The following RASSF8 variants were observed in gnomAD, a reference collection of about 807,000 sequenced individuals.
RASSF8 encodes the protein Ras association domain family member 8.
In RASSF8, 22 loss-of-function variants were observed where a neutral mutation model predicts 48.5. That is an observed-to-expected ratio of 0.45 (90% CI 0.32 to 0.65). RASSF8 has a LOEUF of 0.65. Ranked by LOEUF, RASSF8 falls within the 30% of genes least tolerant of loss-of-function variation. RASSF8 has a pLI of 0.03. For missense variants in RASSF8, 418 were observed against 489.2 expected (o/e 0.85, Z 1.37); for synonymous variants, 127 against 171.5 (o/e 0.74, Z 2.03).
chr12:26,055,586 C>T (rs1943584874), intron 3 of RASSF8, 140 bp downstream of exon 3: 1 of 742,354 alleles, frequency 1.3e-6, no homozygotes, highest in African/African-American at 1.7e-5. Flanking sequence ...GTACTTATTA[C>T]AGTTTGCCTG....
At chr12:25,978,756 T>C (rs990158589) in intron 1 of RASSF8, among the ~76,000 whole-genome samples, 2 of 152,070 alleles carry the variant, frequency 1.3e-5, no homozygotes, top group African/African-American at 4.8e-5. Context: ...TGGCATTATT[T>C]ATGAGGTGCC....
At position 25,981,364 on chromosome 12, in the gene RASSF8, G is replaced by A. The variant is rs571042258; in HGVS notation, c.-202-13673G>A. Among the ~76,000 whole-genome samples, 28 of 152,238 alleles carry A rather than the reference G, an allele frequency of 1.8e-4. No individual in the cohort carries two copies. In the South Asian group the frequency reaches 1.9e-3, roughly 10 times the overall value. On this transcript the variant is annotated intron_variant, in intron 1 of 5. Coordinates refer to ENST00000689635, the MANE Select transcript of RASSF8 (RefSeq NM_001394098.1). ...CCCCCTGCTCAACAGTCTCCATATG[G>A]TAACCTTCCCTCAACCCAAAACTAA...
At chr12:26,032,395 A>G (rs1943047980) in intron 2 of RASSF8, among the ~76,000 whole-genome samples, 2 of 152,198 alleles carry the variant, frequency 1.3e-5, no homozygotes, top group Non-Finnish European at 2.9e-5. Flanking sequence ...TGGAATGTTG[A>G]TAGAAAACAA....
At chr12:26,010,226 T>G (rs1353484177) in intron 2 of RASSF8, among the ~76,000 whole-genome samples, 3 of 152,152 alleles carry the variant, frequency 2.0e-5, no homozygotes, top group Non-Finnish European at 4.4e-5. Flanking sequence ...AGCAAAGGGT[T>G]TGAGTTTTAA....
rs1405861967 is a variant in RASSF8 at position 26,067,565 on chromosome 12, C to T, written c.994-4C>T. 6.2e-6 allele frequency: 10 copies of T among 1,610,202 alleles called. No homozygotes were observed. Among genetic ancestry groups the T allele is most frequent in the African/African-American group, 2.7e-5 (2 of 74,560 alleles). The stretch of plus-strand genomic sequence containing the variant: ...AATTTAAAAAAATAATAATTTCCAT[C>T]TAGGACAAAGAACAGGAACTGGAGC... On this transcript the variant is annotated splice_region_variant and splice_polypyrimidine_tract_variant and intron_variant, in intron 4 of 5. Coordinates refer to ENST00000689635, the MANE Select transcript of RASSF8 (RefSeq NM_001394098.1).
At chr12:26,029,522 A>G (rs756957341) in intron 2 of RASSF8, among the ~76,000 whole-genome samples, 22 of 152,224 alleles carry the variant, frequency 1.4e-4, no homozygotes, top group Non-Finnish European at 3.1e-4. Flanking sequence ...AATGTACTAT[A>G]TATTCATTAG....
chr12:26,069,724 C>T lies in RASSF8; in HGVS notation c.*906C>T. The T allele has an allele frequency of 2.5e-5, 25 of 985,376 alleles. No individual in the cohort carries two copies. Among genetic ancestry groups the T allele is most frequent in the Non-Finnish European group, 3.0e-5 (25 of 829,880 alleles). The allele number at this position is 985,376 out of a possible 1,614,324, so 61.0% of individuals were successfully genotyped here. On this transcript the variant is annotated 3_prime_UTR_variant, in exon 6 of 6. Transcript: ENST00000689635. Reference sequence around the variant, plus strand: ...AAGCTGGGTTGGTCTACTTCAGGAACATTGCTTTAAGTGATGTATTTTAAA... The same window carrying T: ...AAGCTGGGTTGGTCTACTTCAGGAATATTGCTTTAAGTGATGTATTTTAAA...
chr12:25,997,113 G>A (rs995308682), intron 2 of RASSF8, among the ~76,000 whole-genome samples: 5 of 151,886 alleles, frequency 3.3e-5, no homozygotes, highest in Admixed American at 6.6e-5. Flanking sequence ...AGTTTATCAC[G>A]AGATACCTTT....
At chr12:26,025,635 T>A (rs1226358623) in intron 2 of RASSF8, among the ~76,000 whole-genome samples, 3 of 151,552 alleles carry the variant, frequency 2.0e-5, no homozygotes. Flanking sequence ...AATACTACCT[T>A]GCATATGGAA....
At chr12:25,997,240 C>T (rs922106503) in intron 2 of RASSF8, among the ~76,000 whole-genome samples, 34 of 152,030 alleles carry the variant, frequency 2.2e-4, no homozygotes, top group African/African-American at 7.2e-4. Flanking sequence ...TAGATAGGAC[C>T]GTAATCTTCC....
chr12:26,061,514 C>T (rs938925854), intron 3 of RASSF8, among the ~76,000 whole-genome samples: 1 of 141,222 alleles, frequency 7.1e-6, no homozygotes, highest in Non-Finnish European at 1.5e-5. Flanking sequence ...TAGTGTCACA[C>T]AGTCCTACAA....
chr12:26,024,648 T>C (rs1942863651), intron 2 of RASSF8, among the ~76,000 whole-genome samples: 1 of 152,296 alleles, frequency 6.6e-6, no homozygotes, highest in South Asian at 2.1e-4. Flanking sequence ...ATGCAAGGGT[T>C]GGTTAGACAT....
At chr12:25,969,558 A>G (rs1270274508) in intron 1 of RASSF8, among the ~76,000 whole-genome samples, 1 of 152,164 alleles carries the variant, frequency 6.6e-6, no homozygotes, top group African/African-American at 2.4e-5. Flanking sequence ...AATTGCAACA[A>G]TCCGTGCAAG....
At chr12:25,958,349 C>T (rs1373977785), upstream of RASSF8, 1 of 151,898 alleles carries the variant, frequency 6.6e-6, no homozygotes, top group East Asian at 1.9e-4. Context: ...CTCGGTGCGT[C>T]GCGGGCCAGG....
At chr12:25,999,189 T>TC (rs111311131) in intron 2 of RASSF8, among the ~76,000 whole-genome samples, 8,024 of 152,234 alleles carry the variant, frequency 0.053, 263 homozygotes, top group Middle Eastern at 0.095. Context: ...GGAGAAGTGA[T>TC]CAGGTTAACC....
chr12:26,009,796 T>G (rs1942478821), intron 2 of RASSF8, among the ~76,000 whole-genome samples: 1 of 152,074 alleles, frequency 6.6e-6, no homozygotes, highest in African/African-American at 2.4e-5. Flanking sequence ...GTAGTTTGGT[T>G]AGATGGTAGG....
Position 26,046,570 on chromosome 12 carries a change from C to G in RASSF8, c.-108-8666C>G, listed in dbSNP as rs535007096. On this transcript the variant is annotated intron_variant, in intron 2 of 5. Transcript: ENST00000689635. ...ATAAAAGGGTGCCTGGGCACAGTGG[C>G]TCAGGGCTATAATCCCAGCACTTTG... 3.4e-4 allele frequency among the ~76,000 whole-genome samples: 52 copies of G among 152,300 alleles called. No homozygotes were observed. The South Asian group carries it at 9.3e-3, about 27-fold the overall frequency.
intron 2 of RASSF8, among the ~76,000 whole-genome samples, chr12:26,007,550 G>C (rs1338684276): frequency 6.6e-6 from 1 of 152,202 alleles, no homozygotes; most frequent in Non-Finnish European, 1.5e-5. Flanking sequence ...AGGTGAAGGA[G>C]GGCTTCTTGT....
At chr12:25,960,048 T>TAA (rs371915951) in intron 1 of RASSF8, among the ~76,000 whole-genome samples, 2 of 147,398 alleles carry the variant, frequency 1.4e-5, no homozygotes, top group African/African-American at 4.9e-5. Flanking sequence ...AGCATTTCAT[T>TAA]AAAAAAAAAA....
Sources: allele counts gnomAD v4.1 joint callset (sites outside exome capture counted in the v4.1 genomes callset), GRCh38; gene constraint gnomAD v4.1.1; transcripts MANE v1.5; gene names NCBI Gene and HGNC (gene_info 2026-07-23, HGNC 2026-07-21).